Variants in GAS7 observed in about 807,000 individuals in gnomAD.
The protein encoded by GAS7 is growth arrest-specific protein 7.
In GAS7, 28 loss-of-function variants were observed where a neutral mutation model predicts 71.1. The observed-to-expected ratio is 0.39, with a 90% CI of 0.29 to 0.54. The LOEUF is 0.54. GAS7 is among the 20% of genes least tolerant of loss of function. The pLI, the probability that GAS7 is intolerant of heterozygous loss-of-function variation, is 0.62. For synonymous variants in GAS7, 258 were observed against 245.8 expected (o/e 1.05, Z -0.46); for missense variants, 436 against 627.8 (o/e 0.69, Z 3.27).
chr17:9,937,752 C>T (rs1473388356), intron 8 of GAS7, among the ~76,000 whole-genome samples: 3 of 152,186 alleles, frequency 2.0e-5, no homozygotes, highest in East Asian at 3.9e-4. Context: ...GGCTCGCTGA[C>T]GACCACAACC....
In GAS7 at chr17:10,046,347, T is replaced by G. The variant is rs541534690; in HGVS notation, c.184-26450A>C. ...TAAGAGGAAAAGAACAGGAAATAACTCATCCAATCTTAAAAACAAAATCCA... is the reference window on the plus strand; with the variant it reads ...TAAGAGGAAAAGAACAGGAAATAACGCATCCAATCTTAAAAACAAAATCCA... On this transcript the variant is annotated intron_variant, in intron 1 of 13. Transcript: ENST00000432992. Among the ~76,000 whole-genome samples, 4 of 148,532 alleles carry G rather than the reference T, an allele frequency of 2.7e-5. No homozygotes were observed. In the South Asian group the frequency reaches 8.6e-4, roughly 32 times the overall value.
chr17:10,024,808 G>A (rs752211700), intron 1 of GAS7, among the ~76,000 whole-genome samples: 7 of 152,072 alleles, frequency 4.6e-5, no homozygotes, highest in African/African-American at 7.2e-5. Context: ...ACACACACAC[G>A]CTATTTCATA....
chr17:10,038,474 T>C (rs922889337), intron 1 of GAS7, among the ~76,000 whole-genome samples: 7 of 152,114 alleles, frequency 4.6e-5, no homozygotes, highest in African/African-American at 7.2e-5. Flanking sequence ...CTGTGGAAAA[T>C]AGTGTGTTAA....
In GAS7 at chr17:9,948,227, T is replaced by A. The variant is rs759272967; in HGVS notation, c.526-1244A>T. The stretch of plus-strand genomic sequence containing the variant: ...GCTCCCATGTTGTTCAAGGGTCACC[T>A]GTATAATACACATCTGGTTATTTGC... On this transcript the variant is annotated intron_variant, in intron 5 of 13. Coordinates refer to ENST00000432992, the MANE Select transcript of GAS7 (RefSeq NM_201433.2). Among the ~76,000 whole-genome samples, 12 of 152,380 alleles carry A rather than the reference T, an allele frequency of 7.9e-5. No individual in the cohort carries two copies. In the South Asian group the frequency reaches 2.5e-3, roughly 32 times the overall value.
At chr17:9,958,889 C>G in intron 5 of GAS7, 5 of 942,276 alleles carry the variant, frequency 5.3e-6, no homozygotes, top group Non-Finnish European at 7.1e-6. Flanking sequence ...GCGCTGAGCA[C>G]AGTCCACCCC....
At chr17:10,088,867 G>A (rs2073550608) in intron 1 of GAS7, among the ~76,000 whole-genome samples, 1 of 152,044 alleles carries the variant, frequency 6.6e-6, no homozygotes, top group African/African-American at 2.4e-5. Flanking sequence ...TTTGAAAAGA[G>A]AATTAGGAGG....
intron 1 of GAS7, among the ~76,000 whole-genome samples, chr17:10,088,500 T>C (rs2073546489): frequency 6.6e-6 from 1 of 152,128 alleles, no homozygotes; most frequent in Non-Finnish European, 1.5e-5. Flanking sequence ...CCTTGGCCAC[T>C]CTGACTCTTG....
chr17:10,088,306 TA>T (rs1368232801), intron 1 of GAS7, among the ~76,000 whole-genome samples: 3 of 151,902 alleles, frequency 2.0e-5, no homozygotes, highest in East Asian at 1.9e-4. Flanking sequence ...CTGGCTCTGT[TA>T]GGGGTACCAC....
rs544804122 is a variant in GAS7, at chr17:9,911,254, G to A, written c.*5974C>T. On this transcript the variant is annotated 3_prime_UTR_variant, in exon 14 of 14. Coordinates refer to ENST00000432992, the MANE Select transcript of GAS7 (RefSeq NM_201433.2). This position sits in a 1 kb window ranked among gnomAD's most constrained non-coding sequence, Gnocchi z 4.0. ...ATGAGTGCACGGAGGTCCCGACAGG[G>A]GATGTGACTTAACTTCAGGTTATGG... 5.4e-4 allele frequency: 126 copies of A among 233,334 alleles called. No individual in the cohort carries two copies. The highest frequency in any genetic ancestry group is 1.5e-3 in the Admixed American group (26 of 17,792). 14.5% of individuals were successfully genotyped at this position (233,334 alleles called of 1,614,324 possible). A position where few individuals can be genotyped will look rare whatever the true frequency, so the allele number is the denominator to read the frequency against.
chr17:10,068,585 G>A (rs2073307360), intron 1 of GAS7, among the ~76,000 whole-genome samples: 1 of 145,070 alleles, frequency 6.9e-6, no homozygotes, highest in African/African-American at 2.5e-5. Context: ...GCAAAACCCT[G>A]TCTCTTAAAA....
chr17:10,113,708 T>C (rs2073834976), intron 1 of GAS7, among the ~76,000 whole-genome samples: 1 of 152,156 alleles, frequency 6.6e-6, no homozygotes, highest in East Asian at 1.9e-4. Context: ...CCTGGACTAC[T>C]TCTGGAAGTA....
intron 1 of GAS7, 95 bp downstream of exon 1, chr17:10,198,113 C>T (rs1391177396): frequency 1.6e-6 from 2 of 1,254,446 alleles, no homozygotes; most frequent in Admixed American, 1.9e-5. Context: ...CCCCTCCGAC[C>T]GGGACGCTGC....
At chr17:10,040,746 G>T (rs2072848182) in intron 1 of GAS7, among the ~76,000 whole-genome samples, 1 of 152,202 alleles carries the variant, frequency 6.6e-6, no homozygotes, top group African/African-American at 2.4e-5. Context: ...TCTTCTCTCT[G>T]CAGTGTGGGA....
At chr17:10,063,700 A>C (rs2073245001) in intron 1 of GAS7, among the ~76,000 whole-genome samples, 2 of 152,260 alleles carry the variant, frequency 1.3e-5, no homozygotes, top group South Asian at 4.1e-4. Flanking sequence ...TCAGCCCTGC[A>C]CATCTGGCTC....
At chr17:10,039,820 GT>G (rs1228713408) in intron 1 of GAS7, 1 of 449,814 alleles carries the variant, frequency 2.2e-6, no homozygotes, top group East Asian at 7.0e-5. Context: ...GGGATTTTCC[GT>G]TTAGGGGTGT....
At chr17:10,121,757 C>T (rs1438566046) in intron 1 of GAS7, among the ~76,000 whole-genome samples, 1 of 152,152 alleles carries the variant, frequency 6.6e-6, no homozygotes, top group Non-Finnish European at 1.5e-5. Flanking sequence ...CAACCTCAGA[C>T]CACCAAGCAT....
intron 1 of GAS7, among the ~76,000 whole-genome samples, chr17:10,100,485 GA>G (rs1597791779): frequency 6.6e-6 from 1 of 152,252 alleles, no homozygotes. Context: ...AGCTAGACCG[GA>G]TCTCTCAAAT....
chr17:10,047,975 AAAATT>A (rs1316284405), intron 1 of GAS7, among the ~76,000 whole-genome samples: 11 of 152,226 alleles, frequency 7.2e-5, no homozygotes, highest in African/African-American at 2.7e-4. Flanking sequence ...AAGTATTAAT[AAAATT>A]AATAATGAAT....
In GAS7 at chr17:9,969,683, A is replaced by G; in HGVS notation, c.465T>C (p.Asp155=). The change falls in exon 4 of 14, where the codon GAT becomes GAC. Residue 155 remains aspartate, a synonymous_variant. Transcript: ENST00000432992. This position sits in a 1 kb window ranked among gnomAD's most constrained non-coding sequence, Gnocchi z 5.5. ...AHMSVRKSTG[D]SQNLGSSSPS... ...CCTCAACAGGACCCCTTACCTGGGA[A>G]TCACCGGTGGATTTTCGGACACTCA... is the stretch of plus-strand genomic sequence containing the variant. 4 of 1,538,512 alleles carry G rather than the reference A, an allele frequency of 2.6e-6. No individual in the cohort carries two copies. The highest frequency in any genetic ancestry group is 2.3e-5 in the East Asian group (1 of 44,404).
Sources: gnomAD v4.1 joint callset for allele counts (sites outside exome capture counted in the v4.1 genomes callset) on GRCh38, gnomAD v4.1.1 for gene constraint, Gnocchi (gnomAD v3.1) non-coding constraint, MANE v1.5 for transcripts, NCBI Gene and HGNC (gene_info 2026-07-23, HGNC 2026-07-21) for gene names.